HSF2BP: variants seen among roughly 807,000 people sequenced by gnomAD.
The protein encoded by HSF2BP is heat shock factor 2-binding protein.
A neutral mutation model predicts 35.0 loss-of-function variants in HSF2BP; 35 were observed. The observed-to-expected ratio is 1.00, with a 90% CI of 0.76 to 1.32. The LOEUF (loss-of-function observed/expected upper bound fraction) is 1.32. Among genes scored for constraint, HSF2BP ranks in the 40% most tolerant of loss-of-function variants. The pLI, the probability that HSF2BP is intolerant of heterozygous loss-of-function variation, is 0.00. For missense variants in HSF2BP, 326 were observed against 321.7 expected, an observed-to-expected ratio of 1.01 and a Z score of -0.10; for synonymous variants, 114 against 117.4, an observed-to-expected ratio of 0.97 and a Z score of 0.18.
At chr21:43,621,749 C>A (rs369082092) in intron 6 of HSF2BP, among the ~76,000 whole-genome samples, 2 of 151,772 alleles carry the variant, frequency 1.3e-5, no homozygotes, top group South Asian at 4.2e-4. Flanking sequence ...GTTCCTCAAA[C>A]TGAAAGAAAA....
Position 43,631,535 on chromosome 21 carries a change from A to C in HSF2BP, c.442-1081T>G, listed in dbSNP as rs185251004. Among the ~76,000 whole-genome samples the C allele has an allele frequency of 1.5e-3, 233 of 152,080 alleles. 2 individuals are homozygous for C. Among genetic ancestry groups the C allele is most frequent in the African/African-American group, 5.4e-3 (222 of 41,458 alleles). ...GTGCCACAACTCCACCTCCTAATCC[A>C]TCCTCACCCACTGTCAGGTGAATCT... On this transcript the variant is annotated intron_variant, in intron 5 of 8. Transcript: ENST00000291560.
chr21:43,587,036 C>A (rs1256975363), intron 8 of HSF2BP, among the ~76,000 whole-genome samples: 2 of 152,324 alleles, frequency 1.3e-5, no homozygotes, highest in South Asian at 2.1e-4. Flanking sequence ...TAGTCCTAAG[C>A]AGTTATGATT....
At chr21:43,605,723 C>T (rs1381014792) in intron 7 of HSF2BP, among the ~76,000 whole-genome samples, 1 of 122,012 alleles carries the variant, frequency 8.2e-6, no homozygotes, top group African/African-American at 3.0e-5. Context: ...CAGTCACACA[C>T]ATCACATGAC....
At chr21:43,631,162 A>G (rs1356987110) in intron 5 of HSF2BP, among the ~76,000 whole-genome samples, 1 of 152,204 alleles carries the variant, frequency 6.6e-6, no homozygotes, top group Non-Finnish European at 1.5e-5. Context: ...AAACCTAATA[A>G]AGCTCAACAA....
At chr21:43,596,000 A>G (rs2081982825) in intron 7 of HSF2BP, among the ~76,000 whole-genome samples, 2 of 152,040 alleles carry the variant, frequency 1.3e-5, no homozygotes, top group South Asian at 2.1e-4. Context: ...GATTACAGGC[A>G]TGAGCCACCA....
chr21:43,614,408 G>A (rs1351255971), intron 6 of HSF2BP, among the ~76,000 whole-genome samples: 1 of 150,618 alleles, frequency 6.6e-6, no homozygotes, highest in African/African-American at 2.4e-5. Flanking sequence ...AGCTCAGAAA[G>A]AATCACTGAC....
intron 7 of HSF2BP, among the ~76,000 whole-genome samples, chr21:43,599,866 A>AC (rs1454115550): frequency 1.2e-5 from 1 of 84,030 alleles, no homozygotes; most frequent in African/African-American, 5.4e-5. Context: ...TCTTCCAATG[A>AC]CAAAAAAAAA....
intron 7 of HSF2BP, 146 bp downstream of exon 7, chr21:43,613,684 C>A: frequency 1.5e-6 from 1 of 651,466 alleles, no homozygotes. Flanking sequence ...AGAGACAGTG[C>A]ACGCCCTTAA....
chr21:43,598,758 A>T (rs1226590678), intron 7 of HSF2BP, among the ~76,000 whole-genome samples: 1 of 152,212 alleles, frequency 6.6e-6, no homozygotes, highest in Non-Finnish European at 1.5e-5. Flanking sequence ...ACTCAAATGT[A>T]GTGTTCATGA....
rs564847953 is a variant in HSF2BP at position 43,651,881 on chromosome 21, C to T, written c.187+4706G>A. On this transcript the variant is annotated intron_variant, in intron 3 of 8. Transcript: ENST00000291560. ...CCTTCGTCAGTATTATTGCAAACTG[C>T]CATTTACCTTGCCCAGTCCTCCCAA... 5.9e-5 allele frequency among the ~76,000 whole-genome samples: 9 copies of T among 152,322 alleles called. No individual in the cohort carries two copies. In the East Asian group the frequency reaches 1.7e-3, roughly 29 times the overall value.
intron 4 of HSF2BP, among the ~76,000 whole-genome samples, chr21:43,641,138 G>A (rs760810807): frequency 7.4e-4 from 112 of 151,944 alleles, no homozygotes; most frequent in Non-Finnish European, 1.3e-3. Context: ...GACTACAGGC[G>A]CCCACCACCA....
intron 6 of HSF2BP, among the ~76,000 whole-genome samples, chr21:43,622,543 T>C (rs1352165547): frequency 1.3e-5 from 2 of 151,990 alleles, no homozygotes; most frequent in East Asian, 1.9e-4. Flanking sequence ...TCAGACAAAA[T>C]AGACTACAAG....
At chr21:43,589,503 C>G (rs957292737) in intron 8 of HSF2BP, among the ~76,000 whole-genome samples, 1 of 152,084 alleles carries the variant, frequency 6.6e-6, no homozygotes, top group South Asian at 2.1e-4. Context: ...TAGCAAGTGA[C>G]GAGCTGATTT....
intron 8 of HSF2BP, among the ~76,000 whole-genome samples, chr21:43,589,766 T>G (rs1340462711): frequency 6.6e-6 from 1 of 152,036 alleles, no homozygotes; most frequent in African/African-American, 2.4e-5. Context: ...GAACAAAGTC[T>G]TCAAAACAAA....
In HSF2BP at chr21:43,630,332, T is replaced by C. The variant is rs11908893; in HGVS notation, c.564A>G (p.Gly188=). The C allele has an allele frequency of 5.8e-3, 9,367 of 1,611,910 alleles. 485 individuals are homozygous for C. In the African/African-American group the frequency reaches 0.11, roughly 19 times the overall value. The change falls in exon 6 of 9, where the codon GGA becomes GGG. Residue 188 remains glycine (G), a synonymous_variant. Transcript: ENST00000291560. ...TGCGCCTGCACTTACTCGTGACAAT[T>C]CCAGCCAGAGCGAAAACAAACTGAC... ...DESQFVFALA[G]IVTNVAAIAC...
chr21:43,613,754 A>T, intron 7 of HSF2BP, 76 bp downstream of exon 7: 1 of 968,852 alleles, frequency 1.0e-6, no homozygotes, highest in Non-Finnish European at 1.6e-6. Context: ...AACTGTGTTT[A>T]CTTGAAGAGA....
At chr21:43,496,169 T>A in the HSF2BP span, among the ~76,000 whole-genome samples, 17 of 128,628 alleles carry the variant, frequency 1.3e-4, 3 homozygotes, top group Non-Finnish European at 2.8e-4. Flanking sequence ...CACACACACA[T>A]CTGCTAAAAC....
chr21:43,611,108 T>C (rs2082198588), intron 7 of HSF2BP, among the ~76,000 whole-genome samples: 1 of 152,120 alleles, frequency 6.6e-6, no homozygotes, highest in African/African-American at 2.4e-5. Context: ...TAGCCAGGCA[T>C]GGTGGCATGC....
intron 7 of HSF2BP, among the ~76,000 whole-genome samples, chr21:43,594,820 GAATA>G (rs753536799): frequency 5.1e-4 from 78 of 152,092 alleles, no homozygotes; most frequent in Non-Finnish European, 1.1e-3. Flanking sequence ...AAATATGACA[GAATA>G]AATAAATCCA....
Sources: allele counts gnomAD v4.1 joint callset (sites outside exome capture counted in the v4.1 genomes callset), GRCh38; gene constraint gnomAD v4.1.1; transcripts MANE v1.5; gene names NCBI Gene and HGNC (gene_info 2026-07-23, HGNC 2026-07-21).